Variants in UTP20 observed in about 807,000 individuals in gnomAD.
UTP20 encodes the protein small subunit processome component 20 homolog.
In UTP20, 164 loss-of-function variants were observed where a neutral mutation model predicts 329.5. The ratio of observed to expected loss-of-function variants is 0.50; its 90% confidence interval spans 0.44 to 0.57. The LOEUF is 0.57. Ranked by LOEUF, UTP20 falls within the 20% of genes least tolerant of loss-of-function variation. The pLI is 0.00. For synonymous variants in UTP20, 1,151 were observed against 1,159.3 expected, an observed-to-expected ratio of 0.99 and a Z score of 0.14; for missense variants, 3,055 against 3,284.2, an observed-to-expected ratio of 0.93 and a Z score of 1.71.
Position 101,367,920 on chromosome 12 carries a change from A to G in UTP20, c.6328A>G (p.Met2110Val), listed in dbSNP as rs773678254. ...GTCTTCAGGTGAATGTGTCCTGGAA[A>G]TGCTGGATCCTTTTGTGTCTCTCCT... Reference protein sequence around the residue: ...IKSSGECVLEMLDPFVSLLID... With the variant: ...IKSSGECVLEVLDPFVSLLID... The change falls in exon 48 of 62, where the codon ATG (methionine) becomes GTG (valine). Residue 2110 changes from methionine to valine, a missense_variant. By Grantham distance (21) the Met-to-Val change is conservative. Coordinates refer to ENST00000261637, the MANE Select transcript of UTP20 (RefSeq NM_014503.3). 6 of 1,613,860 alleles carry G rather than the reference A, an allele frequency of 3.7e-6. No homozygotes were observed. The highest frequency in any genetic ancestry group is 5.1e-6 in the Non-Finnish European group (6 of 1,179,812).
chr12:101,301,727 G>T (rs980425381), intron 14 of UTP20, among the ~76,000 whole-genome samples: 3 of 152,082 alleles, frequency 2.0e-5, no homozygotes, highest in Non-Finnish European at 4.4e-5. Context: ...AGTAGCCATT[G>T]AATATGTGAC....
At chr12:101,309,248 A>G (rs957822412) in intron 18 of UTP20, among the ~76,000 whole-genome samples, 4 of 152,196 alleles carry the variant, frequency 2.6e-5, no homozygotes, top group Admixed American at 6.5e-5. Flanking sequence ...TCCCTAAATA[A>G]TAATAAAACT....
chr12:101,344,921 G>A (rs1003082081), intron 36 of UTP20, among the ~76,000 whole-genome samples, 171 bp downstream of exon 36: 3 of 141,600 alleles, frequency 2.1e-5, no homozygotes, highest in Admixed American at 7.1e-5. Flanking sequence ...AGAAAGGAGA[G>A]CACTTTTTTT....
At position 101,375,755 on chromosome 12, in the gene UTP20, G is replaced by C; in HGVS notation, c.7395G>C (p.Trp2465Cys). The C allele has an allele frequency of 6.5e-7, 1 of 1,529,664 alleles. No homozygotes were observed. The highest frequency in any genetic ancestry group is 2.3e-5 in the East Asian group (1 of 44,070). 94.8% of individuals were successfully genotyped at this position (1,529,664 alleles called of 1,614,324 possible). A position where few individuals can be genotyped will look rare whatever the true frequency, so the allele number is the denominator to read the frequency against. Reference protein sequence around the residue: ...TKPAETLSKIWSHVHSHLRHP... With the variant: ...TKPAETLSKICSHVHSHLRHP... ...CCGCTGAGACTTTGAGTAAAATCTG[G>C]AGTAAGTATTTCCTTTTTTATTTAA... The change falls in exon 56 of 62, where the codon TGG (tryptophan) becomes TGC (cysteine). Residue 2465 changes from tryptophan to cysteine, a missense_variant and splice_region_variant. Trp to Cys is a radical substitution (Grantham distance 215). Transcript: ENST00000261637.
At chr12:101,323,812 A>G (rs1317053929) in intron 25 of UTP20, among the ~76,000 whole-genome samples, 1 of 152,194 alleles carries the variant, frequency 6.6e-6, no homozygotes, top group African/African-American at 2.4e-5. Flanking sequence ...GTGTTACCCA[A>G]TTGTCGCAAT....
At chr12:101,285,990 C>A in intron 4 of UTP20, 109 bp downstream of exon 4, 1 of 1,447,324 alleles carries the variant, frequency 6.9e-7, no homozygotes, top group Non-Finnish European at 9.3e-7. Context: ...AATTTAGAAA[C>A]AAGGAGGATT....
chr12:101,371,100 G>A lies in UTP20; in HGVS notation c.6730G>A (p.Val2244Ile). 6 of 1,614,094 alleles carry A rather than the reference G, an allele frequency of 3.7e-6. No homozygotes were observed. Among genetic ancestry groups the A allele is most frequent in the Non-Finnish European group, 4.2e-6 (5 of 1,179,990 alleles). The change falls in exon 51 of 62, where the codon GTC becomes ATC. Residue 2244 changes from valine to isoleucine, a missense_variant. Physicochemically the swap from Val to Ile is conservative, Grantham distance 29. Transcript: ENST00000261637. The stretch of plus-strand genomic sequence containing the variant: ...GCTGTTGGTCCCAGAAATCGATGAG[G>A]TCATGCGGAAAGTATCCAAGTTGGC... ...RKLLVPEIDE[V>I]MRKVSKLAVS...
At chr12:101,290,040 A>G (rs1467857452) in intron 6 of UTP20, 97 bp from the exon 7 acceptor site, 3 of 973,960 alleles carry the variant, frequency 3.1e-6, no homozygotes, top group South Asian at 4.5e-5. Context: ...TCCTAAGTAT[A>G]TTTAAATAAC....
intron 2 of UTP20, among the ~76,000 whole-genome samples, chr12:101,282,122 C>G (rs1871820866): frequency 6.6e-6 from 1 of 152,206 alleles, no homozygotes; most frequent in Admixed American, 6.5e-5. Flanking sequence ...TAATATTCTT[C>G]TTTACTATAA....
chr12:101,362,616 A>T (rs1869965777), intron 44 of UTP20, among the ~76,000 whole-genome samples: 1 of 132,270 alleles, frequency 7.6e-6, no homozygotes, highest in Non-Finnish European at 1.5e-5. Flanking sequence ...AAGCAGGAAA[A>T]TCCCCTGAAC....
Position 101,285,703 on chromosome 12 carries a change from A to G in UTP20, c.194-46A>G, listed in dbSNP as rs753357159. 6 of 1,613,248 alleles carry G rather than the reference A, an allele frequency of 3.7e-6. No individual in the cohort carries two copies. In the African/African-American group the frequency reaches 8.0e-5, roughly 22 times the overall value. On this transcript the variant is annotated intron_variant, in intron 3 of 61. Coordinates refer to ENST00000261637, the MANE Select transcript of UTP20 (RefSeq NM_014503.3). ...CACTTTATATGTTCCATACAGCTGA[A>G]TAGTGGTGTGATAGAAAAGAACATA...
chr12:101,356,483 C>A, intron 41 of UTP20, 71 bp from the exon 42 acceptor site: 2 of 1,313,412 alleles, frequency 1.5e-6, no homozygotes, highest in Admixed American at 2.9e-5. Flanking sequence ...CTTTCAAATA[C>A]AAAGTTGCAG....
chr12:101,348,496 T>G (rs1869405339), intron 38 of UTP20, among the ~76,000 whole-genome samples: 1 of 152,112 alleles, frequency 6.6e-6, no homozygotes, highest in Non-Finnish European at 1.5e-5. Flanking sequence ...ATTTTCACTT[T>G]AAGTAGTCAA....
intron 17 of UTP20, among the ~76,000 whole-genome samples, chr12:101,307,477 A>G (rs1013529881): frequency 1.3e-4 from 20 of 152,036 alleles, no homozygotes; most frequent in African/African-American, 4.3e-4. Flanking sequence ...CCCCGGCTCA[A>G]GCGATCCTCC....
chr12:101,333,508 A>C (rs1310733043), intron 28 of UTP20, 64 bp downstream of exon 28: 3 of 1,566,596 alleles, frequency 1.9e-6, no homozygotes, highest in Non-Finnish European at 2.6e-6. Flanking sequence ...CTAACTCACC[A>C]ACATAGCTAC....
At position 101,281,758 on chromosome 12, in the gene UTP20, G is replaced by T. The variant is rs550124246; in HGVS notation, c.126+562G>T. Among the ~76,000 whole-genome samples, 5 of 152,152 alleles carry T rather than the reference G, an allele frequency of 3.3e-5. No individual in the cohort carries two copies. The South Asian group carries it at 1.0e-3, about 32-fold the overall frequency. On this transcript the variant is annotated intron_variant, in intron 2 of 61. Transcript: ENST00000261637. ...TCTCGCTCCGTCTCCAGGTTGGAGT[G>T]CAGTGGCGTGATCTTGGCTCACTGC...
At chr12:101,308,124 G>T (rs904850823) in intron 17 of UTP20, 61 bp from the exon 18 acceptor site, 15 of 1,410,068 alleles carry the variant, frequency 1.1e-5, no homozygotes, top group South Asian at 1.7e-5. Context: ...CACATTTAAT[G>T]TTCTTTTTGG....
At chr12:101,378,900 C>T (rs1870557973) in intron 56 of UTP20, among the ~76,000 whole-genome samples, 1 of 152,094 alleles carries the variant, frequency 6.6e-6, no homozygotes, top group Admixed American at 6.6e-5. Flanking sequence ...TCACTTCTCT[C>T]TAGCTCCTGT....
At chr12:101,339,508 A>G (rs1301862868) in intron 31 of UTP20, among the ~76,000 whole-genome samples, 2 of 152,182 alleles carry the variant, frequency 1.3e-5, no homozygotes, top group Non-Finnish European at 2.9e-5. Flanking sequence ...ATTTAATAAA[A>G]TTAAAGGGGA....
Sources: gnomAD v4.1 joint callset for allele counts (sites outside exome capture counted in the v4.1 genomes callset) on GRCh38, gnomAD v4.1.1 for gene constraint, MANE v1.5 for transcripts, NCBI Gene and HGNC (gene_info 2026-07-23, HGNC 2026-07-21) for gene names.